KIAA0319: variants seen among roughly 807,000 people sequenced by gnomAD.
The protein encoded by KIAA0319 is dyslexia-associated protein KIAA0319.
In KIAA0319, 83 loss-of-function variants were observed where a neutral mutation model predicts 108.4. The ratio of observed to expected loss-of-function variants is 0.77; its 90% CI spans 0.64 to 0.92. The LOEUF (loss-of-function observed/expected upper bound fraction) is 0.92. Among genes scored for constraint, KIAA0319 ranks in the 40% least tolerant of loss-of-function variants. KIAA0319 has a pLI of 0.00. For synonymous variants in KIAA0319, 484 were observed against 510.4 expected (o/e 0.95, Z 0.70); for missense variants, 1,195 against 1,322.4 (o/e 0.90, Z 1.49).
chr6:24,645,840 TACACACACACAC>T lies in KIAA0319; in HGVS notation c.-222_-211del, dbSNP rs70974925. On this transcript the variant is annotated 5_prime_UTR_variant, in exon 1 of 21. Transcript: ENST00000378214. ...TCCTCCTCGTCGTCATCGCAGGTCT[TACACACACACAC>T]ACACACACACACACACACACACACA... The T allele has an allele frequency of 0.13, 18,550 of 140,150 alleles. 1,405 individuals are homozygous for T. Among genetic ancestry groups the T allele is most frequent in the Middle Eastern group, 0.24 (67 of 284 alleles). The allele number at this position is 140,150 out of a possible 1,614,324, so 8.7% of individuals were successfully genotyped here.
chr6:24,599,166 A>G lies in KIAA0319; in HGVS notation c.55+1883T>C. On this transcript the variant is annotated intron_variant, in intron 2 of 20. Transcript: ENST00000378214. This position sits in a 1 kb window ranked among gnomAD's most constrained non-coding sequence, Gnocchi z 4.1. ...CAAGGCCCAGTACAAGGAGATCACC[A>G]ACTGTAGCCAGGCCGGGGCTGACAG... is the stretch of plus-strand genomic sequence containing the variant. 1.7e-6 allele frequency: 1 copy of G among 584,894 alleles called. No individual in the cohort carries two copies. The highest frequency in any genetic ancestry group is 2.9e-5 in the East Asian group (1 of 34,922). 36.2% of individuals were successfully genotyped at this position (584,894 alleles called of 1,614,324 possible).
At chr6:24,633,837 A>T (rs1232152540) in intron 1 of KIAA0319, among the ~76,000 whole-genome samples, 1 of 152,210 alleles carries the variant, frequency 6.6e-6, no homozygotes, top group Non-Finnish European at 1.5e-5. Context: ...ACAAACTAGG[A>T]ATAATAAAAC....
At chr6:24,583,544 G>A in intron 5 of KIAA0319, 60 bp downstream of exon 5, 2 of 1,107,226 alleles carry the variant, frequency 1.8e-6, no homozygotes, top group South Asian at 1.3e-5. Context: ...AGCCTGTAAG[G>A]ACCTGCTGAA....
chr6:24,597,019 TCATC>T (rs1156389751), intron 2 of KIAA0319, among the ~76,000 whole-genome samples: 2 of 151,552 alleles, frequency 1.3e-5, no homozygotes, highest in African/African-American at 4.9e-5. Context: ...ACCTTTCCAC[TCATC>T]CATCCATCAC....
intron 1 of KIAA0319, among the ~76,000 whole-genome samples, chr6:24,610,287 T>C (rs1418329664): frequency 6.6e-6 from 1 of 152,046 alleles, no homozygotes; most frequent in East Asian, 1.9e-4. Flanking sequence ...GAATAGACAG[T>C]TCTCCAAAAA....
rs1172751897 is a variant in KIAA0319 at position 24,558,373 on chromosome 6, ATAG to A, written c.2734+637_2734+639del. 7.6e-3 allele frequency among the ~76,000 whole-genome samples: 357 copies of A among 47,180 alleles called. 2 individuals are homozygous for A. Among genetic ancestry groups the A allele is most frequent in the African/African-American group, 0.016 (344 of 22,098 alleles). 31.0% of individuals were successfully genotyped at this position (47,180 alleles called of 152,430 possible). Reference sequence around the variant, plus strand: ...GATGGATATATATATATCTAGATAGATAGATAGATAGATAGATAGATAGATAGA... The same window carrying A: ...GATGGATATATATATATCTAGATAGAATAGATAGATAGATAGATAGATAGA... On this transcript the variant is annotated intron_variant, in intron 17 of 20. Coordinates refer to ENST00000378214, the MANE Select transcript of KIAA0319 (RefSeq NM_014809.4).
chr6:24,619,100 G>A (rs534008723), intron 1 of KIAA0319, among the ~76,000 whole-genome samples: 2 of 152,324 alleles, frequency 1.3e-5, no homozygotes, highest in East Asian at 1.9e-4. Flanking sequence ...GGTCAGCATC[G>A]CTAGAAAAGG....
intron 1 of KIAA0319, among the ~76,000 whole-genome samples, chr6:24,635,250 G>C (rs1235026325): frequency 1.3e-5 from 2 of 151,846 alleles, no homozygotes; most frequent in Non-Finnish European, 2.9e-5. Context: ...GATTAGAGGT[G>C]CACGCCACCA....
At chr6:24,616,709 A>T (rs1280636755) in intron 1 of KIAA0319, among the ~76,000 whole-genome samples, 1 of 152,212 alleles carries the variant, frequency 6.6e-6, no homozygotes, top group Non-Finnish European at 1.5e-5. Context: ...ATAGACTTTT[A>T]AAACAACTTT....
intron 1 of KIAA0319, among the ~76,000 whole-genome samples, chr6:24,613,041 C>T (rs1029784094): frequency 4.6e-5 from 7 of 152,064 alleles, no homozygotes; most frequent in African/African-American, 4.8e-5. Context: ...CCTGGTGATC[C>T]GCCCGCCTCG....
At chr6:24,590,456 T>C (rs1337372461) in intron 3 of KIAA0319, among the ~76,000 whole-genome samples, 1 of 152,222 alleles carries the variant, frequency 6.6e-6, no homozygotes, top group African/African-American at 2.4e-5. Flanking sequence ...GTTTGTGAAG[T>C]GAGTGCTATA....
chr6:24,590,039 G>A (rs1768225658), intron 3 of KIAA0319, among the ~76,000 whole-genome samples: 1 of 152,182 alleles, frequency 6.6e-6, no homozygotes. Context: ...AAGGCCCACA[G>A]GGACCATGTG....
rs764178946 is a variant in KIAA0319, at chr6:24,576,385, T to A, written c.1717A>T (p.Lys573Ter). The change falls in exon 10 of 21, where the codon AAA becomes TAA. Residue 573 changes from lysine (K) to a stop codon, truncating the protein, a stop_gained. Transcript: ENST00000378214. LOFTEE classifies it high-confidence loss of function. ...GAACTTGCCTGCATGACCACATGTT[T>A]GCCCTCACTCCCAGGACCCAGGGAC... The part of the protein sequence containing the change: ...EWSLGPGSEG[K>*]HVVMQGVQTP... The A allele has an allele frequency of 1.2e-6, 2 of 1,614,088 alleles. No homozygotes were observed. Among genetic ancestry groups the A allele is most frequent in the Admixed American group, 3.3e-5 (2 of 60,028 alleles).
chr6:24,549,542 G>A (rs1761158810), intron 20 of KIAA0319, among the ~76,000 whole-genome samples: 1 of 152,104 alleles, frequency 6.6e-6, no homozygotes, highest in Admixed American at 6.5e-5. Flanking sequence ...CCAAGGCAGA[G>A]GCAGTGCAAC....
Position 24,594,319 on chromosome 6 carries a change from GA to G in KIAA0319, c.801+1553del, listed in dbSNP as rs1309294948. Among the ~76,000 whole-genome samples the G allele has an allele frequency of 2.9e-5, 4 of 140,344 alleles. No homozygotes were observed. The East Asian group carries it at 8.7e-4, about 31-fold the overall frequency. 92.1% of individuals were successfully genotyped at this position (140,344 alleles called of 152,430 possible). On this transcript the variant is annotated intron_variant, in intron 3 of 20. Coordinates refer to ENST00000378214, the MANE Select transcript of KIAA0319 (RefSeq NM_014809.4). ...TTCAAAATTCAGAAAAATATAAGCA[GA>G]AAAAAACCTTCTGATTCAATCTTGG...
chr6:24,582,112 C>T (rs1766650287), intron 6 of KIAA0319, 137 bp downstream of exon 6: 1 of 558,276 alleles, frequency 1.8e-6, no homozygotes, highest in Admixed American at 2.5e-5. Context: ...CGCTACTGCA[C>T]TCCAGCCTGG....
intron 1 of KIAA0319, among the ~76,000 whole-genome samples, chr6:24,632,942 G>C (rs1186194197): frequency 6.6e-6 from 1 of 152,188 alleles, no homozygotes; most frequent in Non-Finnish European, 1.5e-5. Flanking sequence ...TTAAACACAA[G>C]AAGGGCATTC....
chr6:24,588,024 C>T (rs1767816660), intron 4 of KIAA0319, among the ~76,000 whole-genome samples: 1 of 152,206 alleles, frequency 6.6e-6, no homozygotes, highest in African/African-American at 2.4e-5. Flanking sequence ...TCCTGCTTAC[C>T]ACTCCAGTTC....
At chr6:24,635,753 T>G (rs1445678143) in intron 1 of KIAA0319, among the ~76,000 whole-genome samples, 1 of 152,194 alleles carries the variant, frequency 6.6e-6, no homozygotes. Flanking sequence ...TGGACACAGA[T>G]TCCTCCCCAG....
Sources: gnomAD v4.1 joint callset for allele counts (sites outside exome capture counted in the v4.1 genomes callset) on GRCh38, gnomAD v4.1.1 for gene constraint, Gnocchi (gnomAD v3.1) non-coding constraint, MANE v1.5 for transcripts, NCBI Gene and HGNC (gene_info 2026-07-23, HGNC 2026-07-21) for gene names.